The following TTC28 variants were observed in gnomAD, a reference collection of about 807,000 sequenced individuals.
The protein encoded by TTC28 is tetratricopeptide repeat domain 28.
TTC28 carries 61 observed loss-of-function variants against 198.0 expected under a neutral mutation model. The observed-to-expected ratio is 0.31, with a 90% confidence interval of 0.25 to 0.38. The LOEUF (loss-of-function observed/expected upper bound fraction) is 0.38. Among genes scored for constraint, TTC28 ranks in the 10% least tolerant of loss-of-function variants. The pLI is 1.00. For synonymous variants in TTC28, 1,171 were observed against 1,297.8 expected (o/e 0.90, Z 2.10); for missense variants, 2,678 against 3,164.0 (o/e 0.85, Z 3.69).
chr22:28,447,963 T>G (rs946950144), intron 2 of TTC28, among the ~76,000 whole-genome samples: 3 of 152,190 alleles, frequency 2.0e-5, no homozygotes, highest in Non-Finnish European at 4.4e-5. Flanking sequence ...CACCTTATTG[T>G]TTCTTCTTTC....
At chr22:28,192,822 A>C (rs1924962817) in intron 5 of TTC28, among the ~76,000 whole-genome samples, 1 of 152,238 alleles carries the variant, frequency 6.6e-6, no homozygotes, top group Non-Finnish European at 1.5e-5. Context: ...TGATTGGTGT[A>C]CCTGAAAGTG....
At chr22:28,574,428 A>G (rs2050114094) in intron 2 of TTC28, among the ~76,000 whole-genome samples, 1 of 152,014 alleles carries the variant, frequency 6.6e-6, no homozygotes, top group African/African-American at 2.4e-5. Flanking sequence ...TCATCTGTTG[A>G]TGAACATTTA....
chr22:28,585,204 C>T (rs183634876), intron 2 of TTC28, among the ~76,000 whole-genome samples: 1 of 152,224 alleles, frequency 6.6e-6, no homozygotes, highest in East Asian at 1.9e-4. Flanking sequence ...AGAACATGAA[C>T]ATTTATTGTG....
intron 5 of TTC28, among the ~76,000 whole-genome samples, chr22:28,272,032 T>C (rs1055024917): frequency 6.6e-6 from 1 of 152,010 alleles, no homozygotes; most frequent in Non-Finnish European, 1.5e-5. Context: ...TAACTGAGAG[T>C]CCATTAAACC....
intron 12 of TTC28, among the ~76,000 whole-genome samples, chr22:28,073,265 T>G (rs1033248863): frequency 2.0e-5 from 3 of 152,150 alleles, no homozygotes; most frequent in Admixed American, 2.0e-4. Flanking sequence ...AAAGGTCTGA[T>G]TTTGGATAGG....
chr22:28,388,827 C>T lies in TTC28; in HGVS notation c.382-82184G>A, dbSNP rs550033102. Among the ~76,000 whole-genome samples the T allele has an allele frequency of 3.6e-3, 546 of 152,236 alleles. 9 individuals carry two copies. The highest frequency in any genetic ancestry group is 0.013 in the African/African-American group (529 of 41,512). On this transcript the variant is annotated intron_variant, in intron 2 of 22. Transcript: ENST00000397906. ...CTTCCTCTTTTCCTAATTCAATACC[C>T]TTTATTTCCTTCTCCTGCCTAATTG...
At chr22:28,562,988 T>C (rs147214291) in intron 2 of TTC28, among the ~76,000 whole-genome samples, 77 of 152,042 alleles carry the variant, frequency 5.1e-4, no homozygotes, top group Non-Finnish European at 9.9e-4. Context: ...CCAGGTGTGG[T>C]GGCGTGTACC....
At chr22:28,095,429 C>T (rs1601613570) in intron 11 of TTC28, among the ~76,000 whole-genome samples, 1 of 151,538 alleles carries the variant, frequency 6.6e-6, no homozygotes, top group Non-Finnish European at 1.5e-5. Context: ...TGTCAATTCT[C>T]GCTGGCAGTT....
At chr22:28,165,959 G>T (rs1389047757) in intron 5 of TTC28, among the ~76,000 whole-genome samples, 2 of 151,716 alleles carry the variant, frequency 1.3e-5, no homozygotes, top group African/African-American at 4.8e-5. Flanking sequence ...ACACACATAG[G>T]CTCAAAATAA....
At chr22:28,323,154 C>T (rs911089994) in intron 2 of TTC28, among the ~76,000 whole-genome samples, 2 of 152,164 alleles carry the variant, frequency 1.3e-5, no homozygotes, top group African/African-American at 4.8e-5. Flanking sequence ...TCAGGCTAGT[C>T]ACTTAACTTT....
At chr22:28,214,435 G>GA (rs1235170382) in intron 5 of TTC28, among the ~76,000 whole-genome samples, 2 of 152,100 alleles carry the variant, frequency 1.3e-5, no homozygotes, top group East Asian at 1.9e-4. Flanking sequence ...AAATTTCCAA[G>GA]AAAAAATCAA....
intron 2 of TTC28, among the ~76,000 whole-genome samples, chr22:28,511,357 A>T (rs1252357016): frequency 1.3e-5 from 2 of 152,172 alleles, no homozygotes; most frequent in African/African-American, 4.8e-5. Context: ...AAGCCTGCAC[A>T]CCTACAACCA....
chr22:28,352,116 C>G (rs1433068187), intron 2 of TTC28, among the ~76,000 whole-genome samples: 1 of 151,956 alleles, frequency 6.6e-6, no homozygotes, highest in Non-Finnish European at 1.5e-5. Context: ...CAAAATTAAG[C>G]AATAATAAAG....
chr22:28,522,668 T>C (rs562536071), intron 2 of TTC28, among the ~76,000 whole-genome samples: 8 of 152,112 alleles, frequency 5.3e-5, no homozygotes, highest in Admixed American at 4.6e-4. Context: ...AATAATGAAC[T>C]GAAGCACAGC....
intron 6 of TTC28, among the ~76,000 whole-genome samples, chr22:28,156,043 C>T (rs985685799): frequency 6.6e-6 from 1 of 152,150 alleles, no homozygotes; most frequent in Admixed American, 6.5e-5. Flanking sequence ...TGGGAGTCAA[C>T]TGAAAAACAA....
intron 2 of TTC28, among the ~76,000 whole-genome samples, chr22:28,612,822 C>T (rs777750083): frequency 2.0e-5 from 3 of 152,162 alleles, no homozygotes; most frequent in Non-Finnish European, 4.4e-5. Flanking sequence ...CTCTGATACG[C>T]ATTTAAAGTA....
chr22:28,089,667 TAATAA>T (rs781311133), intron 12 of TTC28, among the ~76,000 whole-genome samples: 32 of 126,154 alleles, frequency 2.5e-4, no homozygotes, highest in East Asian at 6.7e-4. Flanking sequence ...AGTATAATAA[TAATAA>T]AATAAAATAA....
chr22:28,658,055 T>C (rs1052822332), intron 1 of TTC28, among the ~76,000 whole-genome samples: 1 of 152,350 alleles, frequency 6.6e-6, no homozygotes, highest in Middle Eastern at 3.4e-3. Flanking sequence ...CATAATAATA[T>C]GCATTTCTAG....
In TTC28 at chr22:28,612,240, G is replaced by A. The variant is rs185683072; in HGVS notation, c.381+17312C>T. Among the ~76,000 whole-genome samples the A allele has an allele frequency of 4.6e-5, 7 of 152,178 alleles. No homozygotes were observed. The East Asian group carries it at 1.4e-3, about 29-fold the overall frequency. On this transcript the variant is annotated intron_variant, in intron 2 of 22. Coordinates refer to ENST00000397906, the MANE Select transcript of TTC28 (RefSeq NM_001145418.2). ...CAAGAGAGACAAAGAAGGCCATTAC[G>A]AAATGGTAAAGGGATCACTGCAACA...
Sources: gnomAD v4.1 joint callset for allele counts (sites outside exome capture counted in the v4.1 genomes callset) on GRCh38, gnomAD v4.1.1 for gene constraint, MANE v1.5 for transcripts, NCBI Gene and HGNC (gene_info 2026-07-23, HGNC 2026-07-21) for gene names.